DAB1: variants seen among roughly 807,000 people sequenced by gnomAD.
The protein encoded by DAB1 is DAB adaptor protein 1, also known as disabled homolog 1.
A neutral mutation model predicts 64.6 loss-of-function variants in DAB1; 15 were observed. The ratio of observed to expected loss-of-function variants is 0.23; its 90% CI spans 0.16 to 0.36. DAB1 has a LOEUF of 0.36. DAB1 is among the 10% of genes least tolerant of loss of function. The pLI, the probability that DAB1 is intolerant of heterozygous loss-of-function variation, is 1.00. For synonymous variants in DAB1, 235 were observed against 251.9 expected (o/e 0.93, Z 0.64); for missense variants, 596 against 706.7 (o/e 0.84, Z 1.78).
intron 6 of DAB1, among the ~76,000 whole-genome samples, chr1:57,717,759 TACAC>T (rs1440911081): frequency 2.0e-5 from 3 of 152,248 alleles, no homozygotes; most frequent in African/African-American, 4.8e-5. Flanking sequence ...TATATATACA[TACAC>T]ACTATGAAAT....
chr1:58,060,649 C>G (rs757697520), intron 5 of DAB1, among the ~76,000 whole-genome samples: 2 of 152,142 alleles, frequency 1.3e-5, no homozygotes, highest in Non-Finnish European at 2.9e-5. Flanking sequence ...GTCTCCTGCC[C>G]AAGGGCCCAC....
intron 1 of DAB1, among the ~76,000 whole-genome samples, chr1:57,326,592 AC>A (rs1482400146): frequency 1.3e-5 from 2 of 152,192 alleles, no homozygotes; most frequent in African/African-American, 2.4e-5. Flanking sequence ...GGTGGCTTAA[AC>A]AACAGAAATT....
At chr1:57,090,405 G>C (rs1653541193) in intron 4 of DAB1, among the ~76,000 whole-genome samples, 1 of 152,144 alleles carries the variant, frequency 6.6e-6, no homozygotes, top group Non-Finnish European at 1.5e-5. Flanking sequence ...TAGGCATCTA[G>C]CAATTTCCTA....
At chr1:58,099,791 T>G (rs939087869) in intron 5 of DAB1, among the ~76,000 whole-genome samples, 7 of 152,234 alleles carry the variant, frequency 4.6e-5, no homozygotes, top group Admixed American at 4.6e-4. Context: ...GAAAAAAGTT[T>G]ATTGTGCAAG....
At chr1:57,881,898 C>A (rs1057383321) in intron 1 of DAB1, among the ~76,000 whole-genome samples, 7 of 152,146 alleles carry the variant, frequency 4.6e-5, no homozygotes, top group African/African-American at 1.4e-4. Context: ...CTCAATGATG[C>A]ATGTGATAAA....
At chr1:57,065,362 G>A (rs1650800916) in intron 8 of DAB1, among the ~76,000 whole-genome samples, 1 of 152,204 alleles carries the variant, frequency 6.6e-6, no homozygotes, top group Non-Finnish European at 1.5e-5. Flanking sequence ...TGGTGAACAT[G>A]ATGGATATGG....
intron 1 of DAB1, among the ~76,000 whole-genome samples, chr1:57,387,694 C>A (rs185623861): frequency 6.6e-6 from 1 of 151,922 alleles, no homozygotes; most frequent in Non-Finnish European, 1.5e-5. Flanking sequence ...TGGTGGCGCA[C>A]ACCTGTAGTC....
chr1:58,268,672 T>C (rs570422680), intron 4 of DAB1, among the ~76,000 whole-genome samples: 77 of 152,332 alleles, frequency 5.1e-4, no homozygotes, highest in Non-Finnish European at 9.0e-4. Context: ...AGACTTAATA[T>C]TGTTAAGATG....
At chr1:57,846,397 G>T (rs1163177009) in intron 1 of DAB1, among the ~76,000 whole-genome samples, 1 of 149,728 alleles carries the variant, frequency 6.7e-6, no homozygotes, top group Non-Finnish European at 1.5e-5. Flanking sequence ...GGCAGAGCTT[G>T]CAGTAAGCCG....
At chr1:58,206,605 C>T (rs903053617) in intron 4 of DAB1, among the ~76,000 whole-genome samples, 37 of 152,270 alleles carry the variant, frequency 2.4e-4, no homozygotes, top group Non-Finnish European at 5.1e-4. Flanking sequence ...GCACAAGCTT[C>T]CCTCAATTTC....
chr1:57,495,032 C>T (rs1179728773), intron 7 of DAB1, among the ~76,000 whole-genome samples: 1 of 152,130 alleles, frequency 6.6e-6, no homozygotes, highest in East Asian at 1.9e-4. Context: ...CTGAATTTAG[C>T]CCAGTGCTAT....
At chr1:58,128,066 C>T (rs1380830319) in intron 5 of DAB1, among the ~76,000 whole-genome samples, 6 of 150,866 alleles carry the variant, frequency 4.0e-5, no homozygotes, top group African/African-American at 1.2e-4. Flanking sequence ...GCCATTTTCA[C>T]GATATTGATT....
intron 4 of DAB1, among the ~76,000 whole-genome samples, chr1:58,307,233 A>G (rs1432030895): frequency 6.6e-6 from 1 of 152,230 alleles, no homozygotes; most frequent in African/African-American, 2.4e-5. Context: ...GCAGTCATCT[A>G]GTTCTGTTCC....
chr1:58,382,901 G>C (rs1167191043), intron 3 of DAB1, among the ~76,000 whole-genome samples: 1 of 152,128 alleles, frequency 6.6e-6, no homozygotes, highest in Non-Finnish European at 1.5e-5. Context: ...TCACCTGAGT[G>C]ATCACACTCC....
chr1:57,790,983 T>C (rs1650571242), intron 6 of DAB1, among the ~76,000 whole-genome samples: 1 of 152,224 alleles, frequency 6.6e-6, no homozygotes, highest in Non-Finnish European at 1.5e-5. Context: ...ATAGTCATTG[T>C]AAAGGGAAAT....
At chr1:57,488,109 T>C (rs988920106) in intron 7 of DAB1, among the ~76,000 whole-genome samples, 9 of 152,080 alleles carry the variant, frequency 5.9e-5, no homozygotes, top group African/African-American at 1.7e-4. Context: ...ATTAAAAAAT[T>C]TGTATATTTG....
intron 3 of DAB1, among the ~76,000 whole-genome samples, chr1:58,397,180 T>C (rs1644530895): frequency 1.3e-5 from 2 of 152,034 alleles, no homozygotes; most frequent in Non-Finnish European, 2.9e-5. Context: ...CTCCCACAAC[T>C]CCTTTGTCCC....
intron 6 of DAB1, among the ~76,000 whole-genome samples, chr1:57,804,381 G>A (rs1306324616): frequency 6.6e-6 from 1 of 152,050 alleles, no homozygotes; most frequent in Non-Finnish European, 1.5e-5. Flanking sequence ...ACTCCCTTTG[G>A]AGCTCAGCAA....
chr1:57,860,370 A>T (rs552388530), intron 1 of DAB1, among the ~76,000 whole-genome samples: 1 of 152,198 alleles, frequency 6.6e-6, no homozygotes, highest in Admixed American at 6.5e-5. Context: ...CACGGTAGTC[A>T]CTGAGAGTCA....
Sources: gnomAD v4.1 joint callset for allele counts (sites outside exome capture counted in the v4.1 genomes callset) on GRCh38, gnomAD v4.1.1 for gene constraint, MANE v1.5 for transcripts, NCBI Gene and HGNC (gene_info 2026-07-23, HGNC 2026-07-21) for gene names.